The following SLC25A37 variants were observed in gnomAD, a reference collection of about 807,000 sequenced individuals.
SLC25A37 encodes solute carrier family 25 member 37, also known as mitoferrin-1.
SLC25A37 carries 17 observed loss-of-function variants against 31.0 expected under a neutral mutation model. The ratio of observed to expected loss-of-function variants is 0.55; its 90% CI spans 0.38 to 0.82. SLC25A37 has a LOEUF of 0.82. SLC25A37 is among the 40% of genes least tolerant of loss of function. The pLI, the probability that SLC25A37 is intolerant of heterozygous loss-of-function variation, is 0.00. For missense variants in SLC25A37, 404 were observed against 465.8 expected (o/e 0.87, Z 1.22); for synonymous variants, 222 against 193.0 (o/e 1.15, Z -1.24).
intron 1 of SLC25A37, chr8:23,531,559 C>G (rs1801661883): frequency 6.6e-6 from 1 of 152,112 alleles, no homozygotes; most frequent in African/African-American, 2.4e-5. Flanking sequence ...CAGCTGAAAA[C>G]AAATCTATGT....
intron 1 of SLC25A37, among the ~76,000 whole-genome samples, chr8:23,532,643 T>G (rs953254263): frequency 6.6e-6 from 1 of 152,190 alleles, no homozygotes; most frequent in African/African-American, 2.4e-5. Context: ...CTTCTTTTGC[T>G]TTGCTGTTGG....
At chr8:23,556,370 A>C (rs1480503118) in intron 1 of SLC25A37, among the ~76,000 whole-genome samples, 1 of 151,308 alleles carries the variant, frequency 6.6e-6, no homozygotes, top group East Asian at 1.9e-4. Context: ...ACTGGCACCC[A>C]CCATGCCTGG....
chr8:23,560,677 G>A (rs1419773124), intron 1 of SLC25A37, among the ~76,000 whole-genome samples: 4 of 152,212 alleles, frequency 2.6e-5, no homozygotes. Context: ...GCCTCTGTCT[G>A]GGGCTTGTGT....
chr8:23,546,513 GTATATATATATATAGGTGTATA>G (rs1289428033), intron 1 of SLC25A37, among the ~76,000 whole-genome samples: 3 of 67,794 alleles, frequency 4.4e-5, no homozygotes, highest in African/African-American at 7.0e-5. Context: ...ATATATATAG[GTATATATATATATAGGTGTATA>G]TATATATATA....
intron 1 of SLC25A37, among the ~76,000 whole-genome samples, chr8:23,537,203 A>C (rs1326761268): frequency 6.6e-6 from 1 of 151,448 alleles, no homozygotes; most frequent in Non-Finnish European, 1.5e-5. Flanking sequence ...CTCAAAAAAA[A>C]AAAAAAAAAA....
chr8:23,530,186 G>C (rs1448771583), intron 1 of SLC25A37, among the ~76,000 whole-genome samples: 1 of 152,158 alleles, frequency 6.6e-6, no homozygotes, highest in Non-Finnish European at 1.5e-5. Flanking sequence ...ACAGCCCTGG[G>C]GGTTAACAGA....
At position 23,571,374 on chromosome 8, in the gene SLC25A37, G is replaced by A. The variant is rs756528422; in HGVS notation, c.536G>A (p.Arg179Gln). ...TTGCAGATGTACAACTCGCAGCACC[G>A]GTCAGCAATCAGCTGCATCCGGACG... ...QRLQMYNSQH[R>Q]SAISCIRTVW... The change falls in exon 4 of 4, where the codon CGG (arginine) becomes CAG (glutamine). Residue 179 changes from arginine (R) to glutamine (Q), a missense_variant. This residue lies in a region of SLC25A37 where 243 missense variants were observed against 284.4 expected (regional missense o/e 0.85). Coordinates refer to ENST00000519973, the MANE Select transcript of SLC25A37 (RefSeq NM_016612.4). 9 of 1,609,696 alleles carry A rather than the reference G, an allele frequency of 5.6e-6. No homozygotes were observed. Among genetic ancestry groups the A allele is most frequent in the Admixed American group, 1.7e-5 (1 of 59,636 alleles).
intron 1 of SLC25A37, among the ~76,000 whole-genome samples, chr8:23,532,255 G>A (rs145902629): frequency 6.6e-4 from 101 of 152,318 alleles, no homozygotes; most frequent in African/African-American, 2.4e-3. Flanking sequence ...CCAGTCTACT[G>A]GGACCTTTGG....
At chr8:23,571,091 G>T (rs1802814436) in intron 3 of SLC25A37, among the ~76,000 whole-genome samples, 1 of 152,186 alleles carries the variant, frequency 6.6e-6, no homozygotes, top group African/African-American at 2.4e-5. Context: ...CAGGAGAGAC[G>T]GAAATAGCCA....
intron 1 of SLC25A37, among the ~76,000 whole-genome samples, chr8:23,561,936 G>A (rs1222332486): frequency 3.9e-5 from 6 of 152,204 alleles, no homozygotes. Context: ...GAGATGCCGT[G>A]ACCAAGGTCA....
chr8:23,556,655 T>G (rs1187312780), intron 1 of SLC25A37, among the ~76,000 whole-genome samples: 2 of 152,160 alleles, frequency 1.3e-5, no homozygotes, highest in Non-Finnish European at 2.9e-5. Flanking sequence ...TGTATGTATA[T>G]GTATTATATG....
chr8:23,542,377 CT>C (rs59713954), intron 1 of SLC25A37, among the ~76,000 whole-genome samples: 276 of 118,092 alleles, frequency 2.3e-3, no homozygotes, highest in Middle Eastern at 4.5e-3. Flanking sequence ...TGTACTCCTA[CT>C]TTTTTTTTTT....
At position 23,535,250 on chromosome 8, in the gene SLC25A37, C is replaced by T. The variant is rs117429868; in HGVS notation, c.210+6038C>T. Among the ~76,000 whole-genome samples, 567 of 152,272 alleles carry T rather than the reference C, an allele frequency of 3.7e-3. 3 individuals are homozygous for T. Among genetic ancestry groups the T allele is most frequent in the East Asian group, 0.013 (66 of 5,174 alleles). Reference sequence around the variant, plus strand: ...GGGGACATTCACACTGCCTCCAATGCGCATGCTCCCTGGCCTCAGCTCCAC... The same window carrying T: ...GGGGACATTCACACTGCCTCCAATGTGCATGCTCCCTGGCCTCAGCTCCAC... On this transcript the variant is annotated intron_variant, in intron 1 of 3. Coordinates refer to ENST00000519973, the MANE Select transcript of SLC25A37 (RefSeq NM_016612.4).
intron 1 of SLC25A37, among the ~76,000 whole-genome samples, chr8:23,561,338 C>T (rs898818756): frequency 8.5e-5 from 13 of 152,076 alleles, no homozygotes; most frequent in African/African-American, 3.1e-4. Context: ...GAAATCAGTC[C>T]CAAATGTCCC....
chr8:23,542,246 C>T (rs903431423), intron 1 of SLC25A37, among the ~76,000 whole-genome samples: 1 of 152,192 alleles, frequency 6.6e-6, no homozygotes, highest in African/African-American at 2.4e-5. Context: ...ACCTACTATG[C>T]TGCCAGTCAT....
At chr8:23,534,539 C>A (rs970155691) in intron 1 of SLC25A37, among the ~76,000 whole-genome samples, 3 of 152,142 alleles carry the variant, frequency 2.0e-5, no homozygotes, top group Admixed American at 2.0e-4. Flanking sequence ...TAACAAGCTC[C>A]CTTACATCTT....
intron 1 of SLC25A37, chr8:23,543,075 T>TTA (rs1801940408): frequency 3.6e-4 from 53 of 148,726 alleles, no homozygotes; most frequent in Admixed American, 3.5e-3. Flanking sequence ...ATTTTATTTA[T>TTA]TTTTTTTTTT....
At position 23,529,235 on chromosome 8, in the gene SLC25A37, G is replaced by A. The variant is rs1255449333; in HGVS notation, c.210+23G>A. ...AAGGTGAGGCGCGGGGAGACTTCGG[G>A]GACGCAACGAGCGGAGAAGGAGCGC... On this transcript the variant is annotated intron_variant, in intron 1 of 3. Transcript: ENST00000519973. The surrounding 1 kb of genome is among the most constrained non-coding windows in gnomAD (Gnocchi z 4.1). The A allele has an allele frequency of 6.3e-7, 1 of 1,596,074 alleles. No individual in the cohort carries two copies. The highest frequency in any genetic ancestry group is 8.5e-7 in the Non-Finnish European group (1 of 1,172,408).
chr8:23,530,337 C>T (rs1801639258), intron 1 of SLC25A37, among the ~76,000 whole-genome samples: 1 of 152,196 alleles, frequency 6.6e-6, no homozygotes, highest in African/African-American at 2.4e-5. Context: ...CAAGGCAGGT[C>T]CCACAGAGGC....
Sources: gnomAD v4.1 joint callset for allele counts (sites outside exome capture counted in the v4.1 genomes callset) on GRCh38, gnomAD v4.1.1 for gene constraint, gnomAD v4.1.1 regional missense constraint, Gnocchi (gnomAD v3.1) non-coding constraint, MANE v1.5 for transcripts, NCBI Gene and HGNC (gene_info 2026-07-23, HGNC 2026-07-21) for gene names.